MYO18A: variants seen among roughly 807,000 people sequenced by gnomAD.
MYO18A encodes the protein myosin XVIIIA.
In MYO18A, 78 loss-of-function variants were observed where a neutral mutation model predicts 235.8. The observed-to-expected ratio is 0.33, with a 90% CI of 0.28 to 0.40. The LOEUF (loss-of-function observed/expected upper bound fraction) is 0.40. MYO18A is among the 10% of genes least tolerant of loss of function. MYO18A has a pLI of 1.00. For synonymous variants in MYO18A, 977 were observed against 1,077.8 expected (o/e 0.91, Z 1.83); for missense variants, 2,215 against 2,699.3 (o/e 0.82, Z 3.98).
At chr17:29,091,130 C>T (rs1458712677) in intron 34 of MYO18A, 4 of 564,764 alleles carry the variant, frequency 7.1e-6, no homozygotes, top group Non-Finnish European at 9.5e-6. Flanking sequence ...GTGTGCAGTA[C>T]AGGCAGACCC....
rs540586704 is a variant in MYO18A at position 29,128,388 on chromosome 17, C to T, written c.1000-6135G>A. 1.5e-5 allele frequency: 19 copies of T among 1,288,856 alleles called. No individual in the cohort carries two copies. The African/African-American group carries it at 1.8e-4, about 12-fold the overall frequency. 79.8% of individuals were successfully genotyped at this position (1,288,856 alleles called of 1,614,324 possible). A position where few individuals can be genotyped will look rare whatever the true frequency, so the allele number is the denominator to read the frequency against. On this transcript the variant is annotated intron_variant, in intron 2 of 41. Coordinates refer to ENST00000527372, the MANE Select transcript of MYO18A (RefSeq NM_078471.4). ...CGCTTCCGGGACAGGCCCTGGGCCT[C>T]TTCGCTTAGGCCTTCTGCTGTGGCA...
rs376340780 is a variant in MYO18A at position 29,099,696 on chromosome 17, G to C, written c.3574C>G (p.Leu1192Val). 168 of 1,613,626 alleles carry C rather than the reference G, an allele frequency of 1.0e-4. No homozygotes were observed. The highest frequency in any genetic ancestry group is 1.3e-4 in the Non-Finnish European group (158 of 1,179,874). Residue 1192 changes from leucine to valine, a missense_variant, in exon 22 of 42, where the codon CTA becomes GTA. Coordinates refer to ENST00000527372, the MANE Select transcript of MYO18A (RefSeq NM_078471.4). ...EQRDEQTSRN[L>V]TLFQAACRGY... Reference sequence around the variant, plus strand: ...CTGCAGGCTGCTTGGAACAGGGTTAGGTTCCTGCTGGTTTGTTCATCCCGC... The same window carrying C: ...CTGCAGGCTGCTTGGAACAGGGTTACGTTCCTGCTGGTTTGTTCATCCCGC...
chr17:29,091,051 G>C (rs766215091), intron 34 of MYO18A, 125 bp from the exon 35 acceptor site: 1 of 726,698 alleles, frequency 1.4e-6, no homozygotes, highest in Non-Finnish European at 2.3e-6. Flanking sequence ...GCTGGGGTGG[G>C]TCCCAGGACT....
At chr17:29,148,582 T>TGG (rs1392685552) in intron 2 of MYO18A, among the ~76,000 whole-genome samples, 7 of 148,758 alleles carry the variant, frequency 4.7e-5, no homozygotes, top group Non-Finnish European at 8.9e-5. Flanking sequence ...CTTTATTCTT[T>TGG]TGTGTGTGTG....
Position 29,087,076 on chromosome 17 carries a change from C to T in MYO18A, c.5572G>A (p.Glu1858Lys), listed in dbSNP as rs1357600768. 3 of 1,613,960 alleles carry T rather than the reference C, an allele frequency of 1.9e-6. No individual in the cohort carries two copies. The highest frequency in any genetic ancestry group is 1.7e-5 in the Admixed American group (1 of 60,008). Reference sequence around the variant, plus strand: ...TCGGCTGCAATGCGCTGATCCCGCTCCTCAGTCAGCTTCTCCATGTTTTCC... The same window carrying T: ...TCGGCTGCAATGCGCTGATCCCGCTTCTCAGTCAGCTTCTCCATGTTTTCC... ...LKENMEKLTE[E>K]RDQRIAAENR... Residue 1858 changes from glutamate (E) to lysine (K), a missense_variant, in exon 38 of 42, where the codon GAG becomes AAG. Coordinates refer to ENST00000527372, the MANE Select transcript of MYO18A (RefSeq NM_078471.4).
chr17:29,120,548 C>A lies in MYO18A; in HGVS notation c.1728+68G>T. ...AGGAAAATGAGGCATGGGAGAGAGCCTGATGTCTAGGTCATGAAATCATGT... is the reference window on the plus strand; with the variant it reads ...AGGAAAATGAGGCATGGGAGAGAGCATGATGTCTAGGTCATGAAATCATGT... On this transcript the variant is annotated intron_variant, in intron 7 of 41. Transcript: ENST00000527372. This position sits in a 1 kb window ranked among gnomAD's most constrained non-coding sequence, Gnocchi z 4.2. 1 of 1,545,744 alleles carries A rather than the reference C, an allele frequency of 6.5e-7. No homozygotes were observed. The highest frequency in any genetic ancestry group is 8.7e-7 in the Non-Finnish European group (1 of 1,142,914).
rs192238615 is a variant in MYO18A, at chr17:29,091,122, G to A, written c.5188-196C>T. On this transcript the variant is annotated intron_variant, in intron 34 of 41. Coordinates refer to ENST00000527372, the MANE Select transcript of MYO18A (RefSeq NM_078471.4). ...CCAGGGAGATGAGGGAAAGGGCTGTGTGCAGTACAGGCAGACCCTGGGCCT... is the reference window on the plus strand; with the variant it reads ...CCAGGGAGATGAGGGAAAGGGCTGTATGCAGTACAGGCAGACCCTGGGCCT... 3.2e-3 allele frequency: 1,840 copies of A among 580,406 alleles called. 19 individuals are homozygous for A. Among genetic ancestry groups the A allele is most frequent in the Middle Eastern group, 2.8e-3 (6 of 2,134 alleles). 36.0% of individuals were successfully genotyped at this position (580,406 alleles called of 1,614,324 possible). A position where few individuals can be genotyped will look rare whatever the true frequency, so the allele number is the denominator to read the frequency against.
Position 29,106,999 on chromosome 17 carries a change from A to G in MYO18A, c.3441+81T>C. 1 of 1,322,762 alleles carries G rather than the reference A, an allele frequency of 7.6e-7. No individual in the cohort carries two copies. Among genetic ancestry groups the G allele is most frequent in the Non-Finnish European group, 1.1e-6 (1 of 920,022 alleles). The allele number at this position is 1,322,762 out of a possible 1,614,324, so 81.9% of individuals were successfully genotyped here. A position where few individuals can be genotyped will look rare whatever the true frequency, so the allele number is the denominator to read the frequency against. On this transcript the variant is annotated intron_variant, in intron 20 of 41. Transcript: ENST00000527372. This position sits in a 1 kb window ranked among gnomAD's most constrained non-coding sequence, Gnocchi z 4.6. ...GGGCCAGATGAGCTGTCTCCAGGGAAGGGAAGGCAGATGAGTCTGGAAAGG... is the reference window on the plus strand; with the variant it reads ...GGGCCAGATGAGCTGTCTCCAGGGAGGGGAAGGCAGATGAGTCTGGAAAGG...
At chr17:29,101,151 C>T (rs1013946086) in intron 21 of MYO18A, among the ~76,000 whole-genome samples, 3 of 152,120 alleles carry the variant, frequency 2.0e-5, no homozygotes, top group African/African-American at 4.8e-5. Context: ...GTGTGCACCA[C>T]CATTCCCAGC....
chr17:29,101,903 C>T (rs1309938223), intron 21 of MYO18A, among the ~76,000 whole-genome samples: 1 of 152,150 alleles, frequency 6.6e-6, no homozygotes, highest in African/African-American at 2.4e-5. Context: ...CCAGAAAACA[C>T]ATTCATACAA....
chr17:29,077,946 C>G (rs2066023794), intron 41 of MYO18A: 1 of 152,188 alleles, frequency 6.6e-6, no homozygotes, highest in Non-Finnish European at 1.5e-5. Context: ...ACTTCCTGCC[C>G]TAGGGGTGTG....
chr17:29,153,440 A>C (rs1398417772), intron 2 of MYO18A, among the ~76,000 whole-genome samples: 2 of 152,202 alleles, frequency 1.3e-5, no homozygotes, highest in Non-Finnish European at 2.9e-5. Flanking sequence ...ACCACACTGG[A>C]CTAAAACTAC....
chr17:29,133,165 G>A (rs1196058560), intron 2 of MYO18A, among the ~76,000 whole-genome samples: 1 of 152,188 alleles, frequency 6.6e-6, no homozygotes, highest in Non-Finnish European at 1.5e-5. Flanking sequence ...GGAAAACACT[G>A]GGTGCCCCCC....
At chr17:29,077,993 T>A (rs2152709217) in intron 41 of MYO18A, 1 of 152,216 alleles carries the variant, frequency 6.6e-6, no homozygotes, top group East Asian at 1.9e-4. Context: ...AAGGCTGAGA[T>A]GCCTGATCAA....
rs767608339 is a variant in MYO18A, at chr17:29,116,469, G to T, written c.2039-14C>A. On this transcript the variant is annotated splice_polypyrimidine_tract_variant and intron_variant, in intron 10 of 41. Transcript: ENST00000527372. ...CTTCAGCAGCTTCTGTAAGGCAAAG[G>T]ACCAGCATGCAGCATGCAAAGAAAA... 1 of 1,613,972 alleles carries T rather than the reference G, an allele frequency of 6.2e-7. No homozygotes were observed. Among genetic ancestry groups the T allele is most frequent in the South Asian group, 1.1e-5 (1 of 91,068 alleles).
At chr17:29,124,516 TG>T in intron 2 of MYO18A, 2 of 526,422 alleles carry the variant, frequency 3.8e-6, no homozygotes, top group Non-Finnish European at 5.5e-6. Context: ...AGACACAGGG[TG>T]GGAGCCTGGA....
intron 27 of MYO18A, 77 bp from the exon 28 acceptor site, chr17:29,096,992 G>C: frequency 6.9e-7 from 1 of 1,455,936 alleles, no homozygotes; most frequent in Non-Finnish European, 9.1e-7. Context: ...GGAAGTGGGT[G>C]AGTGAGGGGA....
intron 2 of MYO18A, among the ~76,000 whole-genome samples, chr17:29,163,571 G>A (rs753672888): frequency 2.5e-4 from 38 of 152,204 alleles, no homozygotes; most frequent in Non-Finnish European, 4.6e-4. Flanking sequence ...GCATTTCAGG[G>A]ATACCAGCTA....
At position 29,089,496 on chromosome 17, in the gene MYO18A, A is replaced by G. The variant is rs186636264; in HGVS notation, c.5526+465T>C. Among the ~76,000 whole-genome samples, 31 of 149,998 alleles carry G rather than the reference A, an allele frequency of 2.1e-4. 1 individual carries two copies. Among genetic ancestry groups the G allele is most frequent in the African/African-American group, 7.1e-4 (29 of 40,954 alleles). On this transcript the variant is annotated intron_variant, in intron 37 of 41. Coordinates refer to ENST00000527372, the MANE Select transcript of MYO18A (RefSeq NM_078471.4). ...CATAATCAAGAAAAAGGGAGAGAGA[A>G]AAAAAAAAGCAGAGACAGGAGGGCA... is the stretch of plus-strand genomic sequence containing the variant.
Sources: allele counts gnomAD v4.1 joint callset (sites outside exome capture counted in the v4.1 genomes callset), GRCh38; gene constraint gnomAD v4.1.1; non-coding constraint Gnocchi (gnomAD v3.1); transcripts MANE v1.5; gene names NCBI Gene and HGNC (gene_info 2026-07-23, HGNC 2026-07-21).